Variants in SPEN observed in about 807,000 individuals in gnomAD.
SPEN encodes the protein spen family transcriptional repressor.
A neutral mutation model predicts 269.9 loss-of-function variants in SPEN; 18 were observed. That is an observed-to-expected ratio of 0.07 (90% CI 0.05 to 0.10). The LOEUF is 0.10. Among genes scored for constraint, SPEN ranks in the 10% least tolerant of loss-of-function variants. The pLI is 1.00. For synonymous variants in SPEN, 1,726 were observed against 1,765.7 expected (o/e 0.98, Z 0.56); for missense variants, 3,822 against 4,631.2 (o/e 0.83, Z 5.07).
At chr1:15,906,453 CTTTTTTT>C (rs200731520) in intron 3 of SPEN, among the ~76,000 whole-genome samples, 17 of 92,544 alleles carry the variant, frequency 1.8e-4, no homozygotes, top group African/African-American at 4.0e-4. Context: ...TCTTTCTTTC[CTTTTTTT>C]TTTTTTTTTT....
intron 1 of SPEN, among the ~76,000 whole-genome samples, chr1:15,864,167 CT>C (rs71003211): frequency 7.4e-5 from 11 of 148,708 alleles, no homozygotes; most frequent in East Asian, 6.0e-4. Flanking sequence ...ATAGTGGTTG[CT>C]TTTTTTTTTT....
intron 1 of SPEN, among the ~76,000 whole-genome samples, chr1:15,863,858 A>G (rs1205634590): frequency 2.0e-5 from 3 of 152,166 alleles, no homozygotes; most frequent in Admixed American, 2.0e-4. Flanking sequence ...AACAAACAAA[A>G]AAACTAATCT....
chr1:15,916,032 G>A (rs1362887798), intron 5 of SPEN, 96 bp from the exon 6 acceptor site: 1 of 1,381,006 alleles, frequency 7.2e-7, no homozygotes, highest in Non-Finnish European at 9.8e-7. Flanking sequence ...CATTATTTCA[G>A]ACATTTTGTT....
At chr1:15,849,126 C>A in intron 1 of SPEN, among the ~76,000 whole-genome samples, 1 of 152,174 alleles carries the variant, frequency 6.6e-6, no homozygotes, top group African/African-American at 2.4e-5. Flanking sequence ...CCGCATAAAA[C>A]ACTTATTAAA....
chr1:15,936,327 C>T, intron 11 of SPEN, 61 bp downstream of exon 11: 1 of 1,484,316 alleles, frequency 6.7e-7, no homozygotes, highest in Non-Finnish European at 9.0e-7. Context: ...GCTCAGCAGG[C>T]TTTTAAGCCA....
At chr1:15,891,870 A>T (rs1014627202) in intron 3 of SPEN, among the ~76,000 whole-genome samples, 1 of 151,810 alleles carries the variant, frequency 6.6e-6, no homozygotes, top group Admixed American at 6.6e-5. Context: ...AACTGTTTAA[A>T]AATATACACA....
intron 3 of SPEN, among the ~76,000 whole-genome samples, chr1:15,898,836 T>TA (rs2070868198): frequency 6.6e-6 from 1 of 152,204 alleles, no homozygotes; most frequent in Non-Finnish European, 1.5e-5. Context: ...GTGCTGGGGT[T>TA]ACAGGCGTGA....
chr1:15,902,450 A>G (rs1290883026), intron 3 of SPEN, among the ~76,000 whole-genome samples: 1 of 148,804 alleles, frequency 6.7e-6, no homozygotes, highest in African/African-American at 2.5e-5. Context: ...CTAGAAAGAT[A>G]CAATTTGGAC....
chr1:15,903,434 G>C (rs1204504176), intron 3 of SPEN, among the ~76,000 whole-genome samples: 1 of 152,148 alleles, frequency 6.6e-6, no homozygotes, highest in Non-Finnish European at 1.5e-5. Context: ...TCCAGCCCAG[G>C]CTGGAGTGCA....
At chr1:15,888,310 C>T (rs80351700) in intron 3 of SPEN, among the ~76,000 whole-genome samples, 1 of 141,008 alleles carries the variant, frequency 7.1e-6, no homozygotes, top group Non-Finnish European at 1.6e-5. Context: ...TATGTAAACT[C>T]TTTTTTTTTT....
At chr1:15,912,844 TTAAG>T (rs372984895) in intron 5 of SPEN, among the ~76,000 whole-genome samples, 79 of 152,296 alleles carry the variant, frequency 5.2e-4, no homozygotes, top group African/African-American at 1.8e-3. Context: ...ATTATAATTA[TTAAG>T]TAAGGAGGAT....
intron 3 of SPEN, among the ~76,000 whole-genome samples, chr1:15,897,669 T>C (rs1237011650): frequency 6.6e-6 from 1 of 152,130 alleles, no homozygotes; most frequent in African/African-American, 2.4e-5. Flanking sequence ...GCCTAATTTT[T>C]GTATTTTTTA....
chr1:15,939,863 T>C lies in SPEN; in HGVS notation c.*436T>C. ...TGTCTTGGTGTGTGTAGACACACAT[T>C]GCAGACTCTTAACGCAGGAAGGACT... On this transcript the variant is annotated 3_prime_UTR_variant, in exon 15 of 15. Transcript: ENST00000375759. This position sits in a 1 kb window ranked among gnomAD's most constrained non-coding sequence, Gnocchi z 4.1. 4.3e-6 allele frequency: 1 copy of C among 234,116 alleles called. No individual in the cohort carries two copies. The highest frequency in any genetic ancestry group is 6.0e-5 in the East Asian group (1 of 16,588). The allele number at this position is 234,116 out of a possible 1,614,324, so 14.5% of individuals were successfully genotyped here. A position where few individuals can be genotyped will look rare whatever the true frequency, so the allele number is the denominator to read the frequency against.
At position 15,935,258 on chromosome 1, in the gene SPEN, C is replaced by T. The variant is rs761420751; in HGVS notation, c.9018C>T (p.Ser3006=). Residue 3006 remains serine, a synonymous_variant, in exon 11 of 15, where the codon AGC becomes AGT. Coordinates refer to ENST00000375759, the MANE Select transcript of SPEN (RefSeq NM_015001.3). The surrounding 1 kb of genome is among the most constrained non-coding windows in gnomAD (Gnocchi z 7.7). ...TEVNHVPSGP[S]IPADRTVSHL... ...TCAACCATGTCCCCTCGGGGCCCAG[C>T]ATCCCAGCAGATCGAACTGTCTCCC... 2 of 1,614,208 alleles carry T rather than the reference C, an allele frequency of 1.2e-6. No individual in the cohort carries two copies. Among genetic ancestry groups the T allele is most frequent in the South Asian group, 2.2e-5 (2 of 91,084 alleles).
Position 15,935,224 on chromosome 1 carries a change from C to T in SPEN, c.8984C>T (p.Pro2995Leu). 5 of 1,614,192 alleles carry T rather than the reference C, an allele frequency of 3.1e-6. No homozygotes were observed. Among genetic ancestry groups the T allele is most frequent in the Non-Finnish European group, 4.2e-6 (5 of 1,180,034 alleles). The change falls in exon 11 of 15, where the codon CCT (proline) becomes CTT (leucine). Residue 2995 changes from proline to leucine, a missense_variant. Pro to Leu is a moderately conservative substitution (Grantham distance 98, BLOSUM62 -3). Around this residue, in one of 16 missense-constraint regions of SPEN, gnomAD observed 94 missense variants for 90.4 expected, o/e 1.04. Transcript: ENST00000375759. This position sits in a 1 kb window ranked among gnomAD's most constrained non-coding sequence, Gnocchi z 7.7. ...HHPPALPSKL[P>L]TEVNHVPSGP... is the part of the protein sequence containing the mutation. ...CCTCCTGCTCTGCCCAGCAAACTGCCTACAGAAGTCAACCATGTCCCCTCG... is the reference window on the plus strand; with the variant it reads ...CCTCCTGCTCTGCCCAGCAAACTGCTTACAGAAGTCAACCATGTCCCCTCG...
At chr1:15,904,647 A>C (rs189348130) in intron 3 of SPEN, among the ~76,000 whole-genome samples, 2,449 of 140,732 alleles carry the variant, frequency 0.017, 25 homozygotes, top group Admixed American at 0.031. Flanking sequence ...AGAGTGTGAT[A>C]ATTTTTTTTT....
In SPEN at chr1:15,932,726, C is replaced by T. The variant is rs926153429; in HGVS notation, c.6486C>T (p.Ala2162=). ...CTGCCTCTGGGCCGTCCCCAGAAGC[C>T]ACCCAGTTAGCCAAGCAGATGGAGC... The part of the protein sequence containing the change: ...DVSASGPSPE[A]TQLAKQMELE... Residue 2162 remains alanine, a synonymous_variant, in exon 11 of 15, where the codon GCC becomes GCT. Transcript: ENST00000375759. The surrounding 1 kb of genome is among the most constrained non-coding windows in gnomAD (Gnocchi z 4.2). 2.5e-5 allele frequency: 41 copies of T among 1,614,178 alleles called. No homozygotes were observed. Among genetic ancestry groups the T allele is most frequent in the Non-Finnish European group, 3.5e-5 (41 of 1,180,034 alleles).
In SPEN at chr1:15,937,050, C is replaced by T. The variant is rs759078434; in HGVS notation, c.10027-113C>T. 2.7e-5 allele frequency: 40 copies of T among 1,458,544 alleles called. No individual in the cohort carries two copies. Among genetic ancestry groups the T allele is most frequent in the East Asian group, 9.2e-5 (4 of 43,664 alleles). 90.4% of individuals were successfully genotyped at this position (1,458,544 alleles called of 1,614,324 possible). ...GGCTCCTTCTGTGGGCCTGACTTAACGGGAGATGCCACATCTTATCCTTTC... is the reference window on the plus strand; with the variant it reads ...GGCTCCTTCTGTGGGCCTGACTTAATGGGAGATGCCACATCTTATCCTTTC... On this transcript the variant is annotated intron_variant, in intron 11 of 14. Coordinates refer to ENST00000375759, the MANE Select transcript of SPEN (RefSeq NM_015001.3). The surrounding 1 kb of genome is among the most constrained non-coding windows in gnomAD (Gnocchi z 5.7).
intron 3 of SPEN, among the ~76,000 whole-genome samples, chr1:15,881,588 T>TA (rs2070688113): frequency 6.6e-6 from 1 of 152,224 alleles, no homozygotes. Context: ...TTGAAATACT[T>TA]AGATACAGTT....
Sources: gnomAD v4.1 joint callset for allele counts (sites outside exome capture counted in the v4.1 genomes callset) on GRCh38, gnomAD v4.1.1 for gene constraint, gnomAD v4.1.1 regional missense constraint, Gnocchi (gnomAD v3.1) non-coding constraint, MANE v1.5 for transcripts, NCBI Gene and HGNC (gene_info 2026-07-23, HGNC 2026-07-21) for gene names.